COL4A1: variants seen among roughly 807,000 people sequenced by gnomAD.
COL4A1 encodes the protein collagen type IV alpha 1 chain.
COL4A1 carries 40 observed loss-of-function variants against 216.6 expected under a neutral mutation model. The observed-to-expected ratio is 0.18, with a 90% CI of 0.14 to 0.24. The LOEUF (loss-of-function observed/expected upper bound fraction) is 0.24, where lower values mean the gene tolerates loss of function less well. COL4A1 is among the 10% of genes least tolerant of loss of function. The pLI is 1.00. For synonymous variants in COL4A1, 839 were observed against 810.7 expected (o/e 1.03, Z -0.59); for missense variants, 1,628 against 2,196.8 (o/e 0.74, Z 5.18).
chr13:110,299,072 G>A (rs1367812055), intron 1 of COL4A1, among the ~76,000 whole-genome samples: 1 of 152,200 alleles, frequency 6.6e-6, no homozygotes, highest in South Asian at 2.1e-4. Flanking sequence ...AGCTGGAACC[G>A]GGATTGCGGG....
At chr13:110,284,002 T>C (rs1241504429) in intron 1 of COL4A1, among the ~76,000 whole-genome samples, 1 of 152,042 alleles carries the variant, frequency 6.6e-6, no homozygotes, top group Non-Finnish European at 1.5e-5. Context: ...TGTCCGGTGA[T>C]GGCCACAGGC....
intron 2 of COL4A1, among the ~76,000 whole-genome samples, chr13:110,226,153 T>C (rs996335860): frequency 2.0e-5 from 3 of 152,324 alleles, no homozygotes; most frequent in Admixed American, 6.5e-5. Context: ...AGGAAGTATC[T>C]CATTCCTGTT....
intron 36 of COL4A1, among the ~76,000 whole-genome samples, chr13:110,175,706 T>C (rs1048397607): frequency 6.6e-6 from 1 of 152,244 alleles, no homozygotes; most frequent in Non-Finnish European, 1.5e-5. Context: ...CCAGCTCTCA[T>C]CAGCCAGACG....
At chr13:110,192,104 G>C (rs535924447) in intron 24 of COL4A1, 110 bp downstream of exon 24, 1 of 1,115,870 alleles carries the variant, frequency 9.0e-7, no homozygotes, top group African/African-American at 1.5e-5. Flanking sequence ...ACACTTACCA[G>C]CTCCCACACA....
chr13:110,270,152 T>C (rs641314), intron 1 of COL4A1, among the ~76,000 whole-genome samples: 42,855 of 152,116 alleles, frequency 0.28, 6,681 homozygotes, highest in African/African-American at 0.43. Context: ...GTGAAGCTGC[T>C]GTGAAGGCTG....
intron 1 of COL4A1, among the ~76,000 whole-genome samples, chr13:110,264,741 T>C (rs1882956256): frequency 6.6e-6 from 1 of 152,112 alleles, no homozygotes; most frequent in African/African-American, 2.4e-5. Flanking sequence ...CCCCGTCTCT[T>C]TCTTTCTCCC....
rs529498997 is a variant in COL4A1, at chr13:110,159,345, C to T, written c.4640+1847G>A. 1.1e-3 allele frequency among the ~76,000 whole-genome samples: 161 copies of T among 152,222 alleles called. 1 individual carries two copies. Among genetic ancestry groups the T allele is most frequent in the African/African-American group, 3.6e-3 (148 of 41,522 alleles). ...ATTTTATGTATAAAGCACAGATATA[C>T]ATACAATACACAAACAGAGGAGATA... On this transcript the variant is annotated intron_variant, in intron 49 of 51. Transcript: ENST00000375820.
intron 1 of COL4A1, among the ~76,000 whole-genome samples, chr13:110,252,439 TTATACG>T (rs1882117118): frequency 7.5e-5 from 9 of 120,624 alleles, no homozygotes; most frequent in African/African-American, 2.0e-4. Context: ...ATATGTATAA[TTATACG>T]TATATGTATT....
chr13:110,232,874 T>C (rs952522167), intron 2 of COL4A1, among the ~76,000 whole-genome samples: 1 of 152,182 alleles, frequency 6.6e-6, no homozygotes, highest in African/African-American at 2.4e-5. Context: ...TCAATTTGTA[T>C]GATGGTCTCT....
intron 42 of COL4A1, 47 bp from the exon 43 acceptor site, chr13:110,169,809 AG>A: frequency 6.2e-7 from 1 of 1,611,442 alleles, no homozygotes; most frequent in Non-Finnish European, 8.5e-7. Context: ...AATATGCACA[AG>A]TGTCCCTGGG....
At chr13:110,208,384 T>C (rs1165444452) in intron 12 of COL4A1, among the ~76,000 whole-genome samples, 4 of 151,866 alleles carry the variant, frequency 2.6e-5, no homozygotes, top group South Asian at 2.1e-4. Context: ...CTAATTCTCC[T>C]GGTGGTGGCC....
chr13:110,258,412 C>T (rs1490532748), intron 1 of COL4A1, among the ~76,000 whole-genome samples: 7 of 152,084 alleles, frequency 4.6e-5, no homozygotes, highest in South Asian at 2.1e-4. Context: ...TGGTGGCGCA[C>T]GCCTGTAGTC....
chr13:110,167,318 C>T (rs1373711372), intron 43 of COL4A1, 88 bp from the exon 44 acceptor site: 3 of 983,530 alleles, frequency 3.1e-6, no homozygotes, highest in Admixed American at 3.4e-5. Context: ...ATGGAAACAG[C>T]CCCTCAATGT....
chr13:110,177,416 T>C (rs1364185927), intron 33 of COL4A1, among the ~76,000 whole-genome samples: 6 of 152,218 alleles, frequency 3.9e-5, no homozygotes, highest in African/African-American at 1.4e-4. Flanking sequence ...GACCTTTTCA[T>C]GTGTCATATT....
intron 41 of COL4A1, among the ~76,000 whole-genome samples, chr13:110,171,282 A>G (rs1287429153): frequency 6.6e-6 from 1 of 152,124 alleles, no homozygotes; most frequent in East Asian, 1.9e-4. Context: ...GAGGACCAGA[A>G]GGCAGATGGA....
At chr13:110,212,703 A>T in intron 4 of COL4A1, 85 bp from the exon 5 acceptor site, 1 of 1,505,556 alleles carries the variant, frequency 6.6e-7, no homozygotes, top group Non-Finnish European at 9.2e-7. Context: ...TAATGGAGTC[A>T]TGCCCTCATT....
intron 17 of COL4A1, 104 bp downstream of exon 17, chr13:110,205,249 T>G: frequency 7.3e-7 from 1 of 1,378,220 alleles, no homozygotes; most frequent in Admixed American, 1.8e-5. Flanking sequence ...ATAAATGATT[T>G]TTTTCCCTTG....
chr13:110,202,608 A>G (rs988894608), intron 18 of COL4A1, among the ~76,000 whole-genome samples: 18 of 152,310 alleles, frequency 1.2e-4, no homozygotes, highest in Admixed American at 7.2e-4. Context: ...GTGGCACTGC[A>G]AGGAAGGCAG....
chr13:110,180,308 C>T lies in COL4A1; in HGVS notation c.2194-887G>A, dbSNP rs184691358. Among the ~76,000 whole-genome samples the T allele has an allele frequency of 2.2e-4, 34 of 152,328 alleles. 1 individual carries two copies. Among genetic ancestry groups the T allele is most frequent in the Admixed American group, 1.6e-3 (24 of 15,310 alleles). ...CGGTTGACTAAATGTTCAAATGCAACGTAGGTTATCAGGGGAAGCTGGTGG... is the reference window on the plus strand; with the variant it reads ...CGGTTGACTAAATGTTCAAATGCAATGTAGGTTATCAGGGGAAGCTGGTGG... On this transcript the variant is annotated intron_variant, in intron 29 of 51. Coordinates refer to ENST00000375820, the MANE Select transcript of COL4A1 (RefSeq NM_001845.6).
Sources: gnomAD v4.1 joint callset for allele counts (sites outside exome capture counted in the v4.1 genomes callset) on GRCh38, gnomAD v4.1.1 for gene constraint, MANE v1.5 for transcripts, NCBI Gene and HGNC (gene_info 2026-07-23, HGNC 2026-07-21) for gene names.